ITPRID1: variants seen among roughly 807,000 people sequenced by gnomAD.
ITPRID1 encodes the protein protein ITPRID1.
In ITPRID1, 96 loss-of-function variants were observed where a neutral mutation model predicts 95.4. The observed-to-expected ratio is 1.01, with a 90% confidence interval of 0.85 to 1.19. ITPRID1 has a LOEUF of 1.19. Among genes scored for constraint, ITPRID1 ranks in the 50% most tolerant of loss-of-function variants. ITPRID1 has a pLI of 0.00. For missense variants in ITPRID1, 1,339 were observed against 1,252.9 expected (o/e 1.07, Z -1.04); for synonymous variants, 510 against 453.6 (o/e 1.12, Z -1.58).
chr7:31,602,152 T>A (rs916035164), intron 10 of ITPRID1, among the ~76,000 whole-genome samples: 3 of 152,194 alleles, frequency 2.0e-5, no homozygotes, highest in Non-Finnish European at 4.4e-5. Flanking sequence ...TAGCCTTGTT[T>A]TTAAAATATT....
Position 31,557,870 on chromosome 7 carries a change from C to T in ITPRID1, c.256+2969C>T, listed in dbSNP as rs567601430. On this transcript the variant is annotated intron_variant, in intron 5 of 14. Transcript: ENST00000615280. The stretch of plus-strand genomic sequence containing the variant: ...TGGAAGACTAATAACATTTACTACA[C>T]GTGTTATGCGTGGAAACCCCTGGAA... Among the ~76,000 whole-genome samples the T allele has an allele frequency of 1.4e-4, 22 of 152,258 alleles. No individual in the cohort carries two copies. In the South Asian group the frequency reaches 2.3e-3, roughly 16 times the overall value.
At chr7:31,519,576 G>GTCTCTCTC (rs1783151651) in intron 1 of ITPRID1, among the ~76,000 whole-genome samples, 1 of 54,198 alleles carries the variant, frequency 1.8e-5, no homozygotes, top group Admixed American at 2.2e-4. Context: ...TCTATTTCTG[G>GTCTCTCTC]TATCTCTCTC....
intron 10 of ITPRID1, among the ~76,000 whole-genome samples, chr7:31,617,362 G>C (rs770657850): frequency 1.3e-5 from 2 of 152,074 alleles, no homozygotes; most frequent in Non-Finnish European, 2.9e-5. Flanking sequence ...GATTGCCAAA[G>C]GTATCATACC....
intron 10 of ITPRID1, among the ~76,000 whole-genome samples, chr7:31,617,460 T>G (rs1422275999): frequency 6.6e-6 from 1 of 151,078 alleles, no homozygotes; most frequent in African/African-American, 2.4e-5. Flanking sequence ...TAAAAGAAAA[T>G]GTGAATTAGT....
At chr7:31,604,667 A>G (rs1786537357) in intron 10 of ITPRID1, among the ~76,000 whole-genome samples, 1 of 152,220 alleles carries the variant, frequency 6.6e-6, no homozygotes. Flanking sequence ...CCCTAGAACT[A>G]TGCTAGATAT....
rs776601942 is a variant in ITPRID1, at chr7:31,572,188, G to A, written c.395G>A (p.Ser132Asn). The part of the protein sequence containing the change: ...SCYSTASVPQ[S>N]IPEWLEFWEI... ...TATTCTACTGCAAGTGTACCACAAA[G>A]GTATGTAATTTCCAGGTGCTTTTCA... The change falls in exon 7 of 15, where the codon AGC becomes AAC. Residue 132 changes from serine to asparagine, a missense_variant and splice_region_variant. Ser to Asn is a conservative substitution (Grantham distance 46, BLOSUM62 1). Coordinates refer to ENST00000615280, the MANE Select transcript of ITPRID1 (RefSeq NM_001257967.3). 11 of 1,593,612 alleles carry A rather than the reference G, an allele frequency of 6.9e-6. No homozygotes were observed. The highest frequency in any genetic ancestry group is 1.7e-4 in the Middle Eastern group (1 of 6,052).
intron 10 of ITPRID1, among the ~76,000 whole-genome samples, chr7:31,634,471 C>T (rs1381634889): frequency 1.3e-5 from 2 of 152,044 alleles, no homozygotes. Flanking sequence ...CATTACTTTC[C>T]CTATGAGGGG....
At chr7:31,537,840 A>C (rs889062064) in intron 1 of ITPRID1, among the ~76,000 whole-genome samples, 1 of 152,188 alleles carries the variant, frequency 6.6e-6, no homozygotes, top group African/African-American at 2.4e-5. Context: ...CCTAATATAA[A>C]TATTGATTGA....
At chr7:31,621,940 G>A (rs1013774451) in intron 10 of ITPRID1, among the ~76,000 whole-genome samples, 2 of 149,338 alleles carry the variant, frequency 1.3e-5, no homozygotes, top group Non-Finnish European at 3.0e-5. Context: ...ACAAAAAAAG[G>A]CAGGGGTTGC....
Position 31,574,685 on chromosome 7 carries a change from C to T in ITPRID1, c.541C>T (p.Arg181Cys), listed in dbSNP as rs187352726. 31 of 1,613,814 alleles carry T rather than the reference C, an allele frequency of 1.9e-5. No homozygotes were observed. The highest frequency in any genetic ancestry group is 4.5e-5 in the East Asian group (2 of 44,864). Residue 181 changes from arginine (R) to cysteine (C), a missense_variant, in exon 8 of 15, where the codon CGT becomes TGT. Arg to Cys is a radical substitution (Grantham distance 180, BLOSUM62 -3). Transcript: ENST00000615280. ...CTCAGCAGCCAGAGGAATCAACATCCGTGTTTTTCTTGAAGCTCAAAAGCA... is the reference window on the plus strand; with the variant it reads ...CTCAGCAGCCAGAGGAATCAACATCTGTGTTTTTCTTGAAGCTCAAAAGCA... ...CGSAARGINI[R>C]VFLEAQKQRM...
rs1402869119 is a variant in ITPRID1, at chr7:31,553,201, T to G, written c.163+14T>G. On this transcript the variant is annotated intron_variant, in intron 3 of 14. Transcript: ENST00000615280. ...TCCCCATGCTGGGTGAGAAGGACTC[T>G]CAGGCCTATTTGAAAACATTCCTCT... 1 of 1,556,602 alleles carries G rather than the reference T, an allele frequency of 6.4e-7. No individual in the cohort carries two copies. The highest frequency in any genetic ancestry group is 1.9e-5 in the Admixed American group (1 of 52,014).
rs191050563 is a variant in ITPRID1 at position 31,623,875 on chromosome 7, T to A, written c.1229-18301T>A. Among the ~76,000 whole-genome samples the A allele has an allele frequency of 5.4e-3, 828 of 152,158 alleles. 10 individuals carry two copies. Among genetic ancestry groups the A allele is most frequent in the African/African-American group, 0.019 (802 of 41,474 alleles). ...ATGATTTTATATGTAGAAAACCCCA[T>A]TGTCTCAGCCCAAAATCTCCTTAAG... On this transcript the variant is annotated intron_variant, in intron 10 of 14. Coordinates refer to ENST00000615280, the MANE Select transcript of ITPRID1 (RefSeq NM_001257967.3).
chr7:31,561,303 T>G (rs1254017251), intron 5 of ITPRID1, among the ~76,000 whole-genome samples: 1 of 152,146 alleles, frequency 6.6e-6, no homozygotes, highest in African/African-American at 2.4e-5. Context: ...ATGAAAGCTG[T>G]TGCAGCCAGG....
chr7:31,525,256 GT>G (rs1167351093), intron 1 of ITPRID1, among the ~76,000 whole-genome samples: 3 of 152,158 alleles, frequency 2.0e-5, no homozygotes, highest in Non-Finnish European at 4.4e-5. Flanking sequence ...CTGAGCACTT[GT>G]GACTCTAAGT....
chr7:31,573,379 T>TA (rs199549317), intron 7 of ITPRID1, among the ~76,000 whole-genome samples: 3 of 150,856 alleles, frequency 2.0e-5, no homozygotes, highest in Admixed American at 1.3e-4. Context: ...TTTTTTTTTT[T>TA]AAAAAAGAGA....
chr7:31,622,912 G>A (rs1788057224), intron 10 of ITPRID1, among the ~76,000 whole-genome samples: 1 of 152,160 alleles, frequency 6.6e-6, no homozygotes, highest in South Asian at 2.1e-4. Flanking sequence ...AATAAAAAAT[G>A]ATAAAGGGGA....
intron 10 of ITPRID1, among the ~76,000 whole-genome samples, chr7:31,601,222 T>C (rs186932994): frequency 1.2e-3 from 179 of 152,300 alleles, no homozygotes; most frequent in Admixed American, 3.0e-3. Flanking sequence ...GAGAGACAGA[T>C]ACAGATCTAG....
At chr7:31,640,434 C>A (rs1789914963) in intron 10 of ITPRID1, among the ~76,000 whole-genome samples, 1 of 152,200 alleles carries the variant, frequency 6.6e-6, no homozygotes, top group Non-Finnish European at 1.5e-5. Flanking sequence ...GCCCTTTGAA[C>A]TCTAGCTGGC....
At chr7:31,630,262 A>AC (rs55804728) in intron 10 of ITPRID1, among the ~76,000 whole-genome samples, 4 of 150,902 alleles carry the variant, frequency 2.7e-5, no homozygotes, top group Non-Finnish European at 4.4e-5. Context: ...AAAAAAAAAA[A>AC]CATTGAAAAT....
Sources: gnomAD v4.1 joint callset for allele counts (sites outside exome capture counted in the v4.1 genomes callset) on GRCh38, gnomAD v4.1.1 for gene constraint, MANE v1.5 for transcripts, NCBI Gene and HGNC (gene_info 2026-07-23, HGNC 2026-07-21) for gene names.